HPD: variants seen among roughly 807,000 people sequenced by gnomAD.
HPD encodes the protein 4-hydroxyphenylpyruvate dioxygenase.
Under a neutral mutation model 56.9 loss-of-function variants are expected in HPD, and 35 were observed. The observed-to-expected ratio is 0.62, with a 90% CI of 0.47 to 0.82. The LOEUF (loss-of-function observed/expected upper bound fraction) is 0.82. HPD is among the 40% of genes least tolerant of loss of function. The pLI is 0.00. For synonymous variants in HPD, 186 were observed against 200.2 expected (o/e 0.93, Z 0.60); for missense variants, 442 against 506.8 (o/e 0.87, Z 1.23).
chr12:121,841,126 C>T (rs1045685887), intron 12 of HPD, among the ~76,000 whole-genome samples: 3 of 151,082 alleles, frequency 2.0e-5, no homozygotes, highest in African/African-American at 4.9e-5. Flanking sequence ...CGCTTGAACC[C>T]GGGAAGTGGA....
chr12:121,871,270 C>A, the HPD span, among the ~76,000 whole-genome samples: 2 of 151,716 alleles, frequency 1.3e-5, no homozygotes, highest in African/African-American at 2.4e-5. Context: ...GAGGCTGAGA[C>A]GGGTGAATCG....
intron 11 of HPD, among the ~76,000 whole-genome samples, chr12:121,844,778 G>T (rs1877521576): frequency 6.6e-6 from 1 of 152,008 alleles, no homozygotes; most frequent in Non-Finnish European, 1.5e-5. Flanking sequence ...CTACTTGGGA[G>T]GCTGAGGCAG....
chr12:121,861,050 A>C (rs1252870207), upstream of HPD, among the ~76,000 whole-genome samples: 1 of 152,048 alleles, frequency 6.6e-6, no homozygotes, highest in East Asian at 1.9e-4. Flanking sequence ...AAATACAAAA[A>C]TTAGCCTGGA....
chr12:121,843,051 A>G (rs887863368), intron 12 of HPD, among the ~76,000 whole-genome samples: 1 of 152,142 alleles, frequency 6.6e-6, no homozygotes, highest in Admixed American at 6.6e-5. Context: ...CAGTCCTAAA[A>G]TGGATTTTGA....
the HPD span, among the ~76,000 whole-genome samples, chr12:121,882,782 C>T: frequency 1.3e-5 from 2 of 152,206 alleles, no homozygotes; most frequent in East Asian, 1.9e-4. Flanking sequence ...TGCTCTGTTG[C>T]CCAGGCTGGA....
chr12:121,865,331 A>G (rs61954290), upstream of HPD, among the ~76,000 whole-genome samples: 151,779 of 151,812 alleles, frequency 1, 75,873 homozygotes, highest in East Asian at 1. Context: ...GTGCACTGGC[A>G]TGATCTCAGC....
At chr12:121,856,843 T>C (rs1878019894) in intron 4 of HPD, 1 of 609,832 alleles carries the variant, frequency 1.6e-6, no homozygotes, top group Non-Finnish European at 2.9e-6. Flanking sequence ...AACTGCTAGG[T>C]CAGGTCTCCC....
chr12:121,865,760 C>G (rs911034437), upstream of HPD, among the ~76,000 whole-genome samples: 1 of 149,810 alleles, frequency 6.7e-6, no homozygotes. Context: ...GAGGCCAAAG[C>G]GGGAGGATCA....
the HPD span, among the ~76,000 whole-genome samples, chr12:121,882,290 A>G: frequency 8.5e-5 from 13 of 152,100 alleles, no homozygotes; most frequent in Admixed American, 2.6e-4. Context: ...ATGAATTCTG[A>G]CCAACCAGGT....
At position 121,848,985 on chromosome 12, in the gene HPD, G is replaced by A. The variant is rs769349158; in HGVS notation, c.596+14C>T. On this transcript the variant is annotated intron_variant, in intron 9 of 13. Coordinates refer to ENST00000289004, the MANE Select transcript of HPD (RefSeq NM_002150.3). ...CCGTCATCTTCACGCAGAGGGAGAGGGCCAAGGTCTCACCATTCGGAGGCG... is the reference window on the plus strand; with the variant it reads ...CCGTCATCTTCACGCAGAGGGAGAGAGCCAAGGTCTCACCATTCGGAGGCG... 1 of 1,605,446 alleles carries A rather than the reference G, an allele frequency of 6.2e-7. No homozygotes were observed. The highest frequency in any genetic ancestry group is 8.5e-7 in the Non-Finnish European group (1 of 1,172,490).
chr12:121,865,014 T>TC (rs1233929497), upstream of HPD, among the ~76,000 whole-genome samples: 1 of 151,906 alleles, frequency 6.6e-6, no homozygotes, highest in Non-Finnish European at 1.5e-5. Context: ...ACGCCTGTAA[T>TC]CCCAGCACTT....
At chr12:121,855,725 ACAC>A in intron 6 of HPD, among the ~76,000 whole-genome samples, 1 of 151,792 alleles carries the variant, frequency 6.6e-6, no homozygotes, top group Non-Finnish European at 1.5e-5. Flanking sequence ...ACACACACAC[ACAC>A]AAAAGAAAGA....
At chr12:121,881,720 C>T in the HPD span, among the ~76,000 whole-genome samples, 4 of 151,468 alleles carry the variant, frequency 2.6e-5, no homozygotes, top group East Asian at 5.9e-4. Flanking sequence ...GATCTTGGCT[C>T]GTTGCAAACT....
chr12:121,866,947 TG>T (rs774706738), upstream of HPD, among the ~76,000 whole-genome samples: 6 of 152,276 alleles, frequency 3.9e-5, no homozygotes, highest in South Asian at 6.2e-4. Flanking sequence ...TCCCAACCCC[TG>T]GCAACCACTG....
chr12:121,866,704 T>C (rs1018257046), upstream of HPD, among the ~76,000 whole-genome samples: 1 of 152,082 alleles, frequency 6.6e-6, no homozygotes, highest in Non-Finnish European at 1.5e-5. Flanking sequence ...ATTTACATGA[T>C]TTAAGATTTT....
chr12:121,864,225 A>G (rs1261992685), upstream of HPD, among the ~76,000 whole-genome samples: 1 of 151,714 alleles, frequency 6.6e-6, no homozygotes, highest in East Asian at 1.9e-4. Flanking sequence ...GCCTGGCGAC[A>G]GAGCAAGACT....
chr12:121,886,977 G>A, the HPD span, among the ~76,000 whole-genome samples: 1 of 152,130 alleles, frequency 6.6e-6, no homozygotes, highest in Admixed American at 6.6e-5. Flanking sequence ...TCAGCTCATT[G>A]CAACCTCTGC....
In HPD at chr12:121,839,810, A is replaced by G; in HGVS notation, c.1100T>C (p.Leu367Pro). 3 of 1,614,190 alleles carry G rather than the reference A, an allele frequency of 1.9e-6. No individual in the cohort carries two copies. The highest frequency in any genetic ancestry group is 2.5e-6 in the Non-Finnish European group (3 of 1,180,016). ...QGFGAGNFNS[L>P]FKAFEEEQNL... ...CTGCTCCTCCTCGAAAGCCTTGAAC[A>G]GTGAGTTGAAGTTGCCGGCTCCAAA... is the stretch of plus-strand genomic sequence containing the variant. The change falls in exon 14 of 14, where the codon CTG (leucine) becomes CCG (proline). Residue 367 changes from leucine (L) to proline (P), a missense_variant. Coordinates refer to ENST00000289004, the MANE Select transcript of HPD (RefSeq NM_002150.3).
At chr12:121,882,574 A>G in the HPD span, among the ~76,000 whole-genome samples, 1 of 152,194 alleles carries the variant, frequency 6.6e-6, no homozygotes, top group Non-Finnish European at 1.5e-5. Flanking sequence ...GAAGATAAAC[A>G]AGCCTCAGTC....
Sources: gnomAD v4.1 joint callset for allele counts (sites outside exome capture counted in the v4.1 genomes callset) on GRCh38, gnomAD v4.1.1 for gene constraint, MANE v1.5 for transcripts, NCBI Gene and HGNC (gene_info 2026-07-23, HGNC 2026-07-21) for gene names.